The following SNRK variants were observed in gnomAD, a reference collection of about 807,000 sequenced individuals.
SNRK encodes the protein SNF-related serine/threonine-protein kinase.
A neutral mutation model predicts 48.2 loss-of-function variants in SNRK; 3 were observed. The observed-to-expected ratio is 0.06, with a 90% confidence interval of 0.03 to 0.16. SNRK has a LOEUF of 0.16. Ranked by LOEUF, SNRK falls within the 10% of genes least tolerant of loss-of-function variation. The pLI is 1.00. For synonymous variants in SNRK, 376 were observed against 366.1 expected (o/e 1.03, Z -0.31); for missense variants, 627 against 976.0 (o/e 0.64, Z 4.76).
intron 3 of SNRK, among the ~76,000 whole-genome samples, chr3:43,321,423 C>A (rs2091052632): frequency 6.6e-6 from 1 of 152,072 alleles, no homozygotes; most frequent in Admixed American, 6.6e-5. Flanking sequence ...GTCCTAAACC[C>A]AGGAGAGCAC....
In SNRK at chr3:43,303,853, C is replaced by T. The variant is rs1172608832; in HGVS notation, c.589+61C>T. 57 of 1,185,680 alleles carry T rather than the reference C, an allele frequency of 4.8e-5. No individual in the cohort carries two copies. The highest frequency in any genetic ancestry group is 6.4e-5 in the Non-Finnish European group (53 of 831,690). 73.4% of individuals were successfully genotyped at this position (1,185,680 alleles called of 1,614,324 possible). Reference sequence around the variant, plus strand: ...TTCTGCCAGCTAGAGTTGGTCAGATCGGTTGTTTATCTAAAAATGATTTCT... The same window carrying T: ...TTCTGCCAGCTAGAGTTGGTCAGATTGGTTGTTTATCTAAAAATGATTTCT... On this transcript the variant is annotated intron_variant, in intron 3 of 6. Coordinates refer to ENST00000296088, the MANE Select transcript of SNRK (RefSeq NM_017719.5). This position sits in a 1 kb window ranked among gnomAD's most constrained non-coding sequence, Gnocchi z 6.2.
chr3:43,328,195 TCCATTACACCC>T lies in SNRK; in HGVS notation c.590-3969_590-3959del, dbSNP rs754195620. On this transcript the variant is annotated intron_variant, in intron 3 of 6. Transcript: ENST00000296088. ...TAATAAGGTCCCCTGTACATTTCGC[TCCATTACACCC>T]CCATCCCCCATTTACGGTTTCAGTG... Among the ~76,000 whole-genome samples the T allele has an allele frequency of 8.3e-4, 126 of 152,060 alleles. 1 individual carries two copies. The highest frequency in any genetic ancestry group is 1.3e-3 in the Non-Finnish European group (90 of 68,014).
intron 6 of SNRK, among the ~76,000 whole-genome samples, chr3:43,345,187 C>T (rs894653056): frequency 6.6e-6 from 1 of 152,232 alleles, no homozygotes; most frequent in Admixed American, 6.5e-5. Flanking sequence ...AAGCTATGAG[C>T]ACCTTTTTTT....
chr3:43,288,430 T>C (rs191815290), intron 1 of SNRK, among the ~76,000 whole-genome samples: 11 of 152,294 alleles, frequency 7.2e-5, no homozygotes, highest in Admixed American at 6.5e-4. Flanking sequence ...GGTTGGGTCT[T>C]TATGGTTTAG....
intron 3 of SNRK, 139 bp from the exon 4 acceptor site, chr3:43,332,030 T>G (rs2125639130): frequency 1.7e-6 from 1 of 583,298 alleles, no homozygotes; most frequent in Non-Finnish European, 2.6e-6. Flanking sequence ...TATTGGGGCT[T>G]CTTTTCCTTC....
intron 6 of SNRK, 71 bp downstream of exon 6, chr3:43,343,549 T>A (rs1281994127): frequency 8.3e-6 from 11 of 1,321,952 alleles, no homozygotes; most frequent in African/African-American, 3.0e-5. Context: ...TTTTTTTTTT[T>A]AATGCTTCCT....
At chr3:43,307,421 G>T (rs992397008) in intron 3 of SNRK, among the ~76,000 whole-genome samples, 1 of 152,062 alleles carries the variant, frequency 6.6e-6, no homozygotes, top group South Asian at 2.1e-4. Context: ...GAAGGTTGCC[G>T]CAACCCTTCA....
At chr3:43,320,665 GT>G (rs60020914) in intron 3 of SNRK, among the ~76,000 whole-genome samples, 12,371 of 149,030 alleles carry the variant, frequency 0.083, 1,474 homozygotes, top group African/African-American at 0.26. Context: ...GAGTAGCTGG[GT>G]TTTTTTTTTC....
At chr3:43,297,168 T>G (rs1030983565) in intron 1 of SNRK, among the ~76,000 whole-genome samples, 1 of 152,204 alleles carries the variant, frequency 6.6e-6, no homozygotes, top group African/African-American at 2.4e-5. Context: ...GGGAAAATGT[T>G]CAGTTTATAA....
chr3:43,307,734 C>CT (rs778461611), intron 3 of SNRK, among the ~76,000 whole-genome samples: 50 of 152,088 alleles, frequency 3.3e-4, no homozygotes, highest in Admixed American at 5.9e-4. Flanking sequence ...TCCCTATTCT[C>CT]TGAGATACAA....
intron 3 of SNRK, among the ~76,000 whole-genome samples, chr3:43,323,483 A>G (rs540070018): frequency 2.0e-4 from 31 of 152,354 alleles, no homozygotes; most frequent in East Asian, 1.3e-3. Flanking sequence ...GAATGGAGCA[A>G]TTGAAATGCT....
intron 1 of SNRK, among the ~76,000 whole-genome samples, chr3:43,293,016 A>G (rs1307828843): frequency 6.6e-6 from 1 of 152,238 alleles, no homozygotes; most frequent in Non-Finnish European, 1.5e-5. Flanking sequence ...TGTGTCCTGT[A>G]CAGTTAAGGC....
intron 3 of SNRK, among the ~76,000 whole-genome samples, chr3:43,310,407 C>G (rs1351525779): frequency 6.6e-6 from 1 of 152,236 alleles, no homozygotes; most frequent in East Asian, 1.9e-4. Flanking sequence ...TTCTCCTACC[C>G]TACAAATAAG....
chr3:43,301,409 A>G (rs925929511), intron 2 of SNRK, among the ~76,000 whole-genome samples: 2 of 152,130 alleles, frequency 1.3e-5, no homozygotes, highest in African/African-American at 4.8e-5. Flanking sequence ...TGTGAATCCT[A>G]GGTTTTGTAG....
intron 4 of SNRK, among the ~76,000 whole-genome samples, chr3:43,337,829 C>T (rs1323049281): frequency 6.6e-6 from 1 of 152,066 alleles, no homozygotes; most frequent in Non-Finnish European, 1.5e-5. Context: ...GGGAAACTGC[C>T]CCCATGATTC....
intron 1 of SNRK, among the ~76,000 whole-genome samples, chr3:43,298,694 A>C (rs1022905137): frequency 6.6e-6 from 1 of 152,194 alleles, no homozygotes; most frequent in Non-Finnish European, 1.5e-5. Flanking sequence ...GTGAATGTTT[A>C]GGCCTCTCTG....
chr3:43,303,801 C>T lies in SNRK; in HGVS notation c.589+9C>T. The T allele has an allele frequency of 6.3e-7, 1 of 1,583,670 alleles. No individual in the cohort carries two copies. The highest frequency in any genetic ancestry group is 8.7e-7 in the Non-Finnish European group (1 of 1,155,130). ...TGATGCACCTGCAGTAGGTAGGTAA[C>T]CTCGGTCCAGTATTTGGCCATTTGA... is the stretch of plus-strand genomic sequence containing the variant. On this transcript the variant is annotated intron_variant, in intron 3 of 6. Transcript: ENST00000296088. The surrounding 1 kb of genome is among the most constrained non-coding windows in gnomAD (Gnocchi z 6.2).
At chr3:43,287,127 T>C (rs2090771923) in intron 1 of SNRK, among the ~76,000 whole-genome samples, 1 of 151,528 alleles carries the variant, frequency 6.6e-6, no homozygotes, top group Non-Finnish European at 1.5e-5. Context: ...TTCAGAAGAC[T>C]GTAGAAATCC....
In SNRK at chr3:43,347,298, G is replaced by A. The variant is rs1056888411; in HGVS notation, c.1080-41G>A. The A allele has an allele frequency of 2.6e-6, 4 of 1,515,136 alleles. No individual in the cohort carries two copies. The highest frequency in any genetic ancestry group is 2.7e-5 in the South Asian group (2 of 75,342). The allele number at this position is 1,515,136 out of a possible 1,614,324, so 93.9% of individuals were successfully genotyped here. Reference sequence around the variant, plus strand: ...TGTACTTTACTATCATCTGCATAATGATTATATGGCTTTTTTCCCCCCAAT... The same window carrying A: ...TGTACTTTACTATCATCTGCATAATAATTATATGGCTTTTTTCCCCCCAAT... On this transcript the variant is annotated intron_variant, in intron 6 of 6. Coordinates refer to ENST00000296088, the MANE Select transcript of SNRK (RefSeq NM_017719.5). The surrounding 1 kb of genome is among the most constrained non-coding windows in gnomAD (Gnocchi z 5.4).
Sources: allele counts gnomAD v4.1 joint callset (sites outside exome capture counted in the v4.1 genomes callset), GRCh38; gene constraint gnomAD v4.1.1; non-coding constraint Gnocchi (gnomAD v3.1); transcripts MANE v1.5; gene names NCBI Gene and HGNC (gene_info 2026-07-23, HGNC 2026-07-21).